Variants in CSMD1 observed in about 807,000 individuals in gnomAD.
CSMD1 encodes CUB and sushi domain-containing protein 1.
In CSMD1, 213 loss-of-function variants were observed where a neutral mutation model predicts 417.5. The observed-to-expected ratio is 0.51, with a 90% CI of 0.46 to 0.57. CSMD1 has a LOEUF of 0.57. CSMD1 is among the 20% of genes least tolerant of loss of function. The pLI is 0.00. For missense variants in CSMD1, 6,923 were observed against 4,529.7 expected, an observed-to-expected ratio of 1.53 and a Z score of -15.17; for synonymous variants, 2,862 against 1,736.8, an observed-to-expected ratio of 1.65 and a Z score of -16.11.
At chr8:3,096,509 T>C (rs916045395) in intron 47 of CSMD1, among the ~76,000 whole-genome samples, 1 of 152,160 alleles carries the variant, frequency 6.6e-6, no homozygotes, top group Non-Finnish European at 1.5e-5. Flanking sequence ...CCATGTAAAA[T>C]GTGACTTGCT....
intron 10 of CSMD1, among the ~76,000 whole-genome samples, chr8:3,538,995 T>C (rs114823074): frequency 9.8e-4 from 149 of 152,280 alleles, no homozygotes; most frequent in Admixed American, 5.3e-3. Flanking sequence ...CAGCATCTCA[T>C]TGAAGTGAAA....
chr8:4,172,803 T>C (rs755841670), intron 3 of CSMD1, among the ~76,000 whole-genome samples: 14 of 152,112 alleles, frequency 9.2e-5, no homozygotes, highest in Non-Finnish European at 1.9e-4. Context: ...CCCATGTCTT[T>C]AGGCAGCCCC....
rs1357043089 is a variant in CSMD1, at chr8:3,205,957, GT to G, written c.4868-338del. 3.2e-3 allele frequency among the ~76,000 whole-genome samples: 482 copies of G among 152,212 alleles called. 4 individuals are homozygous for G. The highest frequency in any genetic ancestry group is 0.011 in the African/African-American group (450 of 41,544). ...TTTAGAAAGTCTCGCGGAGTTGTCT[GT>G]TCGAAGTCAATCCTCATATTAACTT... is the stretch of plus-strand genomic sequence containing the variant. On this transcript the variant is annotated intron_variant, in intron 30 of 69. Transcript: ENST00000635120.
At chr8:3,292,365 C>G (rs1338619983) in intron 25 of CSMD1, among the ~76,000 whole-genome samples, 2 of 152,104 alleles carry the variant, frequency 1.3e-5, no homozygotes, top group Non-Finnish European at 2.9e-5. Context: ...GAGCTGAGTT[C>G]AATTCCTGGG....
intron 11 of CSMD1, among the ~76,000 whole-genome samples, chr8:3,483,088 A>C (rs911820689): frequency 6.6e-6 from 1 of 152,174 alleles, no homozygotes; most frequent in African/African-American, 2.4e-5. Context: ...AATGCAAAAT[A>C]GACTCAAAGA....
rs10099968 is a variant in CSMD1, at chr8:3,284,033, A to C, written c.4153+111T>G. 1,305 of 926,822 alleles carry C rather than the reference A, an allele frequency of 1.4e-3. 5 individuals carry two copies. Among genetic ancestry groups the C allele is most frequent in the Middle Eastern group, 6.7e-3 (27 of 4,040 alleles). 57.4% of individuals were successfully genotyped at this position (926,822 alleles called of 1,614,324 possible). ...ATTTTCCTAACTTCAAATTAGGCTC[A>C]ATAAATTGCATCTGTGTAAGGAGAC... On this transcript the variant is annotated intron_variant, in intron 26 of 69. Transcript: ENST00000635120.
chr8:3,332,323 G>A (rs1451167038), intron 23 of CSMD1, among the ~76,000 whole-genome samples: 1 of 152,230 alleles, frequency 6.6e-6, no homozygotes, highest in Non-Finnish European at 1.5e-5. Context: ...TTTCCTAGCA[G>A]AGAAGGGAAG....
At chr8:4,507,069 A>G (rs1291652658) in intron 2 of CSMD1, among the ~76,000 whole-genome samples, 4 of 152,182 alleles carry the variant, frequency 2.6e-5, no homozygotes, top group African/African-American at 9.6e-5. Context: ...CATATTTAGT[A>G]ATGCTTATTG....
At chr8:4,294,951 G>T (rs745489294) in intron 3 of CSMD1, among the ~76,000 whole-genome samples, 2 of 151,092 alleles carry the variant, frequency 1.3e-5, no homozygotes, top group African/African-American at 2.4e-5. Flanking sequence ...TTCAGGTAAA[G>T]TGCCAAGGAT....
At chr8:4,028,594 T>C (rs886117077) in intron 4 of CSMD1, among the ~76,000 whole-genome samples, 4 of 152,230 alleles carry the variant, frequency 2.6e-5, no homozygotes, top group African/African-American at 9.6e-5. Flanking sequence ...ACATGATGAC[T>C]TGCAGTGGAG....
intron 10 of CSMD1, among the ~76,000 whole-genome samples, chr8:3,568,058 T>G (rs1189344594): frequency 1.3e-5 from 2 of 152,142 alleles, no homozygotes; most frequent in Non-Finnish European, 2.9e-5. Flanking sequence ...TGCTTCAGAG[T>G]ATTGATTTAC....
chr8:4,941,031 C>T (rs13268796), intron 1 of CSMD1, among the ~76,000 whole-genome samples: 77,757 of 151,986 alleles, frequency 0.51, 21,142 homozygotes, highest in East Asian at 0.79. Context: ...ACAATCTACA[C>T]TTTTCATTTC....
At chr8:3,402,514 G>C (rs1452915297) in intron 15 of CSMD1, among the ~76,000 whole-genome samples, 1 of 152,122 alleles carries the variant, frequency 6.6e-6, no homozygotes, top group Non-Finnish European at 1.5e-5. Flanking sequence ...GAAACCTTTT[G>C]CCCGGAGGCC....
At chr8:2,953,819 G>C (rs7822078) in intron 65 of CSMD1, among the ~76,000 whole-genome samples, 374 of 152,332 alleles carry the variant, frequency 2.5e-3, no homozygotes, top group African/African-American at 8.6e-3. Context: ...TGTCTGAACT[G>C]TTTACATTAA....
chr8:3,875,313 A>C (rs554593849), intron 5 of CSMD1, among the ~76,000 whole-genome samples: 1 of 152,290 alleles, frequency 6.6e-6, no homozygotes, highest in South Asian at 2.1e-4. Context: ...AACTCAAAGA[A>C]TTTGCTGTTC....
At chr8:4,407,008 C>T (rs1402068200) in intron 3 of CSMD1, among the ~76,000 whole-genome samples, 1 of 152,110 alleles carries the variant, frequency 6.6e-6, no homozygotes, top group Admixed American at 6.6e-5. Flanking sequence ...GATTCCACAC[C>T]ATAGCTACGG....
At chr8:4,864,873 A>G (rs1385688683) in intron 1 of CSMD1, among the ~76,000 whole-genome samples, 1 of 46,224 alleles carries the variant, frequency 2.2e-5, no homozygotes, top group African/African-American at 5.5e-5. Flanking sequence ...ATTGGATTCT[A>G]CTACACACAC....
intron 3 of CSMD1, among the ~76,000 whole-genome samples, chr8:4,060,266 A>G (rs951707146): frequency 2.0e-5 from 3 of 152,162 alleles, no homozygotes; most frequent in African/African-American, 7.2e-5. Flanking sequence ...AAAACTCTCA[A>G]TAAATTAGGT....
intron 12 of CSMD1, among the ~76,000 whole-genome samples, chr8:3,456,172 A>G (rs907490041): frequency 1.2e-4 from 19 of 152,204 alleles, no homozygotes; most frequent in African/African-American, 3.9e-4. Flanking sequence ...GCACAGTATT[A>G]GGGTGGGAGT....
Sources: gnomAD v4.1 joint callset for allele counts (sites outside exome capture counted in the v4.1 genomes callset) on GRCh38, gnomAD v4.1.1 for gene constraint, MANE v1.5 for transcripts, NCBI Gene and HGNC (gene_info 2026-07-23, HGNC 2026-07-21) for gene names.